ZNF583: variants seen among roughly 807,000 people sequenced by gnomAD.
ZNF583 encodes zinc finger protein 583.
Under a neutral mutation model 55.3 loss-of-function variants are expected in ZNF583, and 30 were observed. The observed-to-expected ratio is 0.54, with a 90% CI of 0.41 to 0.74. The LOEUF is 0.74. ZNF583 is among the 30% of genes least tolerant of loss of function. The probability of loss-of-function intolerance (pLI) is 0.00; values close to 1 mark genes in which losing one functional copy is unlikely to be tolerated. For missense variants in ZNF583, 504 were observed against 664.7 expected (o/e 0.76, Z 2.66); for synonymous variants, 208 against 220.0 (o/e 0.95, Z 0.48).
chr19:56,424,101 A>G lies in ZNF583; in HGVS notation c.1443A>G (p.Gln481=), dbSNP rs1220781560. The G allele has an allele frequency of 6.2e-6, 10 of 1,613,912 alleles. No homozygotes were observed. Among genetic ancestry groups the G allele is most frequent in the Admixed American group, 3.3e-5 (2 of 60,020 alleles). Reference sequence around the variant, plus strand: ...TTAGCCAGAATGCAGGCCTTGCTCAACATCAGAGAATTCATACTGGAGAGA... The same window carrying G: ...TTAGCCAGAATGCAGGCCTTGCTCAGCATCAGAGAATTCATACTGGAGAGA... The part of the protein sequence containing the change: ...KTFSQNAGLA[Q]HQRIHTGEKP... The change falls in exon 5 of 5, where the codon CAA becomes CAG. Residue 481 remains glutamine (Q), a synonymous_variant. Transcript: ENST00000333201.
chr19:56,424,268 A>T lies in ZNF583; in HGVS notation c.1610A>T (p.His537Leu), dbSNP rs762788438. The change falls in exon 5 of 5, where the codon CAT becomes CTT. Residue 537 changes from histidine (H) to leucine (L), a missense_variant. Physicochemically the swap from His to Leu is moderately conservative, Grantham distance 99. This residue lies in a region of ZNF583 where 63 missense variants were observed against 56.5 expected (regional missense o/e 1.11). Coordinates refer to ENST00000333201, the MANE Select transcript of ZNF583 (RefSeq NM_152478.3). ...TTCAGGCAGCGTGCACATCTTGCTC[A>T]TCATGAGAGAATTCATACTATGGAG... The part of the protein sequence containing the change: ...KSFRQRAHLA[H>L]HERIHTMESF... The T allele has an allele frequency of 6.2e-7, 1 of 1,613,890 alleles. No individual in the cohort carries two copies. The highest frequency in any genetic ancestry group is 1.3e-5 in the African/African-American group (1 of 74,932).
intron 4 of ZNF583, among the ~76,000 whole-genome samples, chr19:56,415,402 G>C (rs2042304970): frequency 6.6e-6 from 1 of 152,090 alleles, no homozygotes; most frequent in Admixed American, 6.5e-5. Flanking sequence ...TTTAGAAGAT[G>C]GGGGCTCAGA....
At chr19:56,419,796 T>A (rs1483036973) in intron 4 of ZNF583, among the ~76,000 whole-genome samples, 2 of 152,198 alleles carry the variant, frequency 1.3e-5, no homozygotes, top group African/African-American at 2.4e-5. Context: ...TTTTTCAATT[T>A]ATTAATGTTT....
At chr19:56,417,334 C>T (rs1254811802) in intron 4 of ZNF583, among the ~76,000 whole-genome samples, 1 of 152,194 alleles carries the variant, frequency 6.6e-6, no homozygotes, top group African/African-American at 2.4e-5. Context: ...TCCACATTCT[C>T]ACCAAATCTT....
chr19:56,416,336 A>AG (rs1165306420), intron 4 of ZNF583, among the ~76,000 whole-genome samples: 1 of 151,854 alleles, frequency 6.6e-6, no homozygotes, highest in African/African-American at 2.4e-5. Context: ...AAAAAAAAAA[A>AG]AAAAAAGAAT....
intron 2 of ZNF583, among the ~76,000 whole-genome samples, chr19:56,410,533 C>G (rs1264641633): frequency 2.0e-5 from 3 of 151,918 alleles, no homozygotes; most frequent in Non-Finnish European, 4.4e-5. Context: ...AACCCCATCT[C>G]TACTAAAAAT....
chr19:56,419,973 T>C (rs2147601292), intron 4 of ZNF583, among the ~76,000 whole-genome samples: 1 of 152,304 alleles, frequency 6.6e-6, no homozygotes, highest in African/African-American at 2.4e-5. Flanking sequence ...TCTTCTACTT[T>C]CCTTAAGTTT....
At chr19:56,416,726 GGTTTTATTGTATTTGATCAGACA>G (rs2042330941) in intron 4 of ZNF583, among the ~76,000 whole-genome samples, 1 of 150,518 alleles carries the variant, frequency 6.6e-6, no homozygotes, top group African/African-American at 2.5e-5. Flanking sequence ...AGAGTTTTCT[GGTTTTATTGTATTTGATCAGACA>G]GTGTGAAGGA....
chr19:56,424,239 A>G lies in ZNF583; in HGVS notation c.1581A>G (p.Lys527=), dbSNP rs745355975. 14 of 1,614,004 alleles carry G rather than the reference A, an allele frequency of 8.7e-6. No individual in the cohort carries two copies. Among genetic ancestry groups the G allele is most frequent in the Non-Finnish European group, 1.2e-5 (14 of 1,179,980 alleles). The part of the protein sequence containing the change: ...ERPYECKDCR[K]SFRQRAHLAH... ...CCTATGAATGTAAAGATTGCAGGAA[A>G]TCTTTCAGGCAGCGTGCACATCTTG... The change falls in exon 5 of 5, where the codon AAA becomes AAG. Residue 527 remains lysine (K), a synonymous_variant. Coordinates refer to ENST00000333201, the MANE Select transcript of ZNF583 (RefSeq NM_152478.3).
Position 56,423,934 on chromosome 19 carries a change from C to T in ZNF583, c.1276C>T (p.His426Tyr). 1 of 1,614,034 alleles carries T rather than the reference C, an allele frequency of 6.2e-7. No homozygotes were observed. Among genetic ancestry groups the T allele is most frequent in the Non-Finnish European group, 8.5e-7 (1 of 1,179,978 alleles). ...CAGCCAAATTGCATACCTTGATCAACATCAGAGGGTTCATACTGGAGAGAA... is the reference window on the plus strand; with the variant it reads ...CAGCCAAATTGCATACCTTGATCAATATCAGAGGGTTCATACTGGAGAGAA... ...AFSQIAYLDQ[H>Y]QRVHTGEKPY... The change falls in exon 5 of 5, where the codon CAT (histidine) becomes TAT (tyrosine). Residue 426 changes from histidine to tyrosine, a missense_variant. Coordinates refer to ENST00000333201, the MANE Select transcript of ZNF583 (RefSeq NM_152478.3).
At chr19:56,422,089 A>G (rs1214385070) in intron 4 of ZNF583, among the ~76,000 whole-genome samples, 4 of 152,214 alleles carry the variant, frequency 2.6e-5, no homozygotes, top group Non-Finnish European at 5.9e-5. Context: ...AAGTGGAGTA[A>G]GCAAGCAAGG....
chr19:56,415,988 G>C (rs567912716), intron 4 of ZNF583, among the ~76,000 whole-genome samples: 4 of 152,116 alleles, frequency 2.6e-5, no homozygotes, highest in African/African-American at 7.2e-5. Flanking sequence ...TATGTATAAT[G>C]GTTTCCAATT....
chr19:56,415,042 G>A (rs936582502), intron 4 of ZNF583, among the ~76,000 whole-genome samples: 1 of 147,588 alleles, frequency 6.8e-6, no homozygotes, highest in East Asian at 2.0e-4. Context: ...GGTTATTTTT[G>A]TTTGTTTTGT....
At chr19:56,413,570 C>T (rs754334582) in intron 2 of ZNF583, among the ~76,000 whole-genome samples, 6 of 152,182 alleles carry the variant, frequency 3.9e-5, no homozygotes, top group Non-Finnish European at 5.9e-5. Context: ...TAAAGCTTAG[C>T]CTGTTTCCTC....
At chr19:56,422,256 C>T (rs1444146544) in intron 4 of ZNF583, among the ~76,000 whole-genome samples, 1 of 152,116 alleles carries the variant, frequency 6.6e-6, no homozygotes, top group African/African-American at 2.4e-5. Context: ...GGAAGGCAGA[C>T]TAAGTTCTGT....
chr19:56,407,396 T>C (rs140264754), intron 2 of ZNF583, among the ~76,000 whole-genome samples: 33 of 152,366 alleles, frequency 2.2e-4, no homozygotes, highest in African/African-American at 6.5e-4. Flanking sequence ...AATACACTCA[T>C]TGGCATATGT....
intron 4 of ZNF583, among the ~76,000 whole-genome samples, chr19:56,415,255 AGAT>A (rs1163874156): frequency 2.0e-5 from 3 of 152,182 alleles, no homozygotes; most frequent in Admixed American, 6.5e-5. Context: ...GGTAACTAGA[AGAT>A]GATAACACTT....
chr19:56,405,003 G>A (rs187400970), intron 1 of ZNF583, among the ~76,000 whole-genome samples: 50 of 152,218 alleles, frequency 3.3e-4, no homozygotes, highest in African/African-American at 1.1e-3. Flanking sequence ...GAGCTTGACC[G>A]TGTGTGTAGG....
At chr19:56,418,440 C>A (rs2042362445) in intron 4 of ZNF583, among the ~76,000 whole-genome samples, 1 of 152,046 alleles carries the variant, frequency 6.6e-6, no homozygotes, top group African/African-American at 2.4e-5. Flanking sequence ...TAAAATTTAT[C>A]TTAAGAATAT....
Sources: gnomAD v4.1 joint callset for allele counts (sites outside exome capture counted in the v4.1 genomes callset) on GRCh38, gnomAD v4.1.1 for gene constraint, gnomAD v4.1.1 regional missense constraint, MANE v1.5 for transcripts, NCBI Gene and HGNC (gene_info 2026-07-23, HGNC 2026-07-21) for gene names.